The following CPQ variants were observed in gnomAD, a reference collection of about 807,000 sequenced individuals.
CPQ encodes Ser-Met dipeptidase.
A neutral mutation model predicts 45.7 loss-of-function variants in CPQ; 37 were observed. The ratio of observed to expected loss-of-function variants is 0.81; its 90% confidence interval spans 0.62 to 1.07. The LOEUF is 1.07. CPQ is among the 50% of genes least tolerant of loss of function. The pLI is 0.00. For synonymous variants in CPQ, 186 were observed against 205.8 expected, an observed-to-expected ratio of 0.90 and a Z score of 0.82; for missense variants, 537 against 572.9, an observed-to-expected ratio of 0.94 and a Z score of 0.64.
At chr8:96,792,298 G>T (rs928579714) in intron 2 of CPQ, among the ~76,000 whole-genome samples, 1 of 152,146 alleles carries the variant, frequency 6.6e-6, no homozygotes, top group African/African-American at 2.4e-5. Context: ...CCAAGTAAAA[G>T]AATGAGAATC....
intron 4 of CPQ, among the ~76,000 whole-genome samples, chr8:96,953,523 C>T (rs1813303478): frequency 6.6e-6 from 1 of 152,128 alleles, no homozygotes; most frequent in African/African-American, 2.4e-5. Flanking sequence ...TTCTGCTGCT[C>T]TTCAAGCAGT....
At chr8:96,744,167 A>G (rs1161923681) in intron 1 of CPQ, among the ~76,000 whole-genome samples, 1 of 152,264 alleles carries the variant, frequency 6.6e-6, no homozygotes. Flanking sequence ...GGTGCGGGAT[A>G]TAATCTCCTG....
intron 2 of CPQ, among the ~76,000 whole-genome samples, chr8:96,832,044 G>A (rs1313485776): frequency 6.6e-6 from 1 of 152,092 alleles, no homozygotes; most frequent in Non-Finnish European, 1.5e-5. Flanking sequence ...TATTTTATAT[G>A]TTTCTGACTC....
intron 5 of CPQ, among the ~76,000 whole-genome samples, chr8:96,997,864 A>C (rs1295232294): frequency 3.3e-5 from 5 of 151,798 alleles, no homozygotes; most frequent in African/African-American, 1.2e-4. Flanking sequence ...GACAATGAAC[A>C]CTCCCTGGTG....
At chr8:97,024,324 A>C (rs1173136184) in intron 5 of CPQ, among the ~76,000 whole-genome samples, 1 of 151,346 alleles carries the variant, frequency 6.6e-6, no homozygotes, top group Non-Finnish European at 1.5e-5. Flanking sequence ...CTTTTTCCAC[A>C]CAGATTCTCC....
At chr8:96,765,718 A>C (rs1427549284) in intron 1 of CPQ, among the ~76,000 whole-genome samples, 1 of 152,180 alleles carries the variant, frequency 6.6e-6, no homozygotes, top group Non-Finnish European at 1.5e-5. Flanking sequence ...CCATTTTGCT[A>C]AGCACCTGGT....
chr8:96,934,896 C>T (rs1367629119), intron 4 of CPQ, among the ~76,000 whole-genome samples: 4 of 152,290 alleles, frequency 2.6e-5, no homozygotes, highest in East Asian at 3.9e-4. Context: ...TCATCACGGT[C>T]TCCCAGTTGT....
At chr8:96,918,623 C>A (rs1287029033) in intron 4 of CPQ, among the ~76,000 whole-genome samples, 1 of 152,196 alleles carries the variant, frequency 6.6e-6, no homozygotes, top group African/African-American at 2.4e-5. Context: ...TGTCTGGGAA[C>A]TGAATGGGGA....
At chr8:97,113,172 G>A (rs1393667280) in intron 7 of CPQ, among the ~76,000 whole-genome samples, 1 of 152,164 alleles carries the variant, frequency 6.6e-6, no homozygotes, top group Non-Finnish European at 1.5e-5. Flanking sequence ...GCTTGGGGAA[G>A]AGTTTTGCAA....
At chr8:97,076,437 G>A (rs1810847644) in intron 7 of CPQ, among the ~76,000 whole-genome samples, 1 of 152,014 alleles carries the variant, frequency 6.6e-6, no homozygotes, top group African/African-American at 2.4e-5. Flanking sequence ...ATTCCCAATT[G>A]TCTTCATACT....
intron 7 of CPQ, among the ~76,000 whole-genome samples, chr8:97,110,963 C>T (rs2130593190): frequency 6.6e-6 from 1 of 152,274 alleles, no homozygotes; most frequent in South Asian, 2.1e-4. Flanking sequence ...TCAGGAAAGG[C>T]TTTTTATCAG....
chr8:96,952,420 T>C (rs1334432432), intron 4 of CPQ, among the ~76,000 whole-genome samples: 1 of 152,142 alleles, frequency 6.6e-6, no homozygotes, highest in Non-Finnish European at 1.5e-5. Context: ...CATTGTAGGT[T>C]TCCTAATGTC....
Position 96,817,594 on chromosome 8 carries a change from G to A in CPQ, c.434-17379G>A, listed in dbSNP as rs115369201. On this transcript the variant is annotated intron_variant, in intron 2 of 7. Transcript: ENST00000220763. Reference sequence around the variant, plus strand: ...ACTATTTTGCTTTCTTATCACTCACGTGTTCGCTGGACTAGCACTTTTTTT... The same window carrying A: ...ACTATTTTGCTTTCTTATCACTCACATGTTCGCTGGACTAGCACTTTTTTT... Among the ~76,000 whole-genome samples the A allele has an allele frequency of 4.9e-3, 743 of 151,500 alleles. 5 individuals are homozygous for A. The highest frequency in any genetic ancestry group is 0.017 in the African/African-American group (712 of 41,294).
chr8:97,016,683 C>A, intron 5 of CPQ, among the ~76,000 whole-genome samples: 1 of 152,066 alleles, frequency 6.6e-6, no homozygotes. Context: ...GTTAGGGGAG[C>A]CTTCCCAGAG....
intron 7 of CPQ, among the ~76,000 whole-genome samples, chr8:97,121,560 G>GA (rs1391907177): frequency 4.6e-5 from 7 of 151,658 alleles, no homozygotes; most frequent in Admixed American, 3.9e-4. Flanking sequence ...CTTTTTAAAG[G>GA]AAAAAAAGAC....
chr8:97,091,098 G>C (rs139365822), intron 7 of CPQ, among the ~76,000 whole-genome samples: 1 of 152,110 alleles, frequency 6.6e-6, no homozygotes, highest in Non-Finnish European at 1.5e-5. Flanking sequence ...TTGTGTAGAG[G>C]AGAGTTTGGT....
chr8:97,031,438 G>A (rs547037180), intron 6 of CPQ, among the ~76,000 whole-genome samples: 13 of 152,042 alleles, frequency 8.6e-5, no homozygotes, highest in East Asian at 1.9e-4. Flanking sequence ...TGCCCGCCTC[G>A]GCCTCCCAAA....
chr8:96,935,125 C>A (rs965199888), intron 4 of CPQ, among the ~76,000 whole-genome samples: 1 of 152,108 alleles, frequency 6.6e-6, no homozygotes, highest in Non-Finnish European at 1.5e-5. Flanking sequence ...AGGTGTTTGC[C>A]TCTCCTTCAC....
In CPQ at chr8:97,049,125, T is replaced by A. The variant is rs1563565961; in HGVS notation, c.1054-16884T>A. On this transcript the variant is annotated intron_variant, in intron 6 of 7. Coordinates refer to ENST00000220763, the MANE Select transcript of CPQ (RefSeq NM_016134.4). Reference sequence around the variant, plus strand: ...CATGGAAGTGACATGAGTGAAGTAATAAATTAGCATCGTCTTTATAAGAAC... The same window carrying A: ...CATGGAAGTGACATGAGTGAAGTAAAAAATTAGCATCGTCTTTATAAGAAC... Among the ~76,000 whole-genome samples the A allele has an allele frequency of 2.6e-5, 4 of 152,226 alleles. No individual in the cohort carries two copies. The South Asian group carries it at 6.2e-4, about 24-fold the overall frequency.
Sources: allele counts gnomAD v4.1 joint callset (sites outside exome capture counted in the v4.1 genomes callset), GRCh38; gene constraint gnomAD v4.1.1; transcripts MANE v1.5; gene names NCBI Gene and HGNC (gene_info 2026-07-23, HGNC 2026-07-21).